Variants in DPYD observed in about 807,000 individuals in gnomAD.
DPYD encodes dihydropyrimidine dehydrogenase [NADP(+)].
In DPYD, 109 loss-of-function variants were observed where a neutral mutation model predicts 116.2. The observed-to-expected ratio is 0.94, with a 90% confidence interval of 0.80 to 1.10. DPYD has a LOEUF of 1.10. Among genes scored for constraint, DPYD ranks in the 50% least tolerant of loss-of-function variants. The probability of loss-of-function intolerance (pLI) is 0.00; values close to 1 mark genes in which losing one functional copy is unlikely to be tolerated. For synonymous variants in DPYD, 440 were observed against 432.0 expected, an observed-to-expected ratio of 1.02 and a Z score of -0.23; for missense variants, 1,302 against 1,254.5, an observed-to-expected ratio of 1.04 and a Z score of -0.57.
rs1183689659 is a variant in DPYD, at chr1:97,349,827, A to G, written c.2058+23734T>C. 7.9e-5 allele frequency among the ~76,000 whole-genome samples: 12 copies of G among 152,138 alleles called. No individual in the cohort carries two copies. The East Asian group carries it at 1.4e-3, about 17-fold the overall frequency. ...AATATACGTGTGCATGTGTCTTTAT[A>G]GCAGCATGATTTATAATCCTTTGGG... is the stretch of plus-strand genomic sequence containing the variant. On this transcript the variant is annotated intron_variant, in intron 16 of 22. Coordinates refer to ENST00000370192, the MANE Select transcript of DPYD (RefSeq NM_000110.4).
intron 20 of DPYD, among the ~76,000 whole-genome samples, chr1:97,110,338 T>A (rs954531669): frequency 6.6e-5 from 10 of 152,140 alleles, no homozygotes; most frequent in African/African-American, 2.4e-4. Context: ...ACATAAACAA[T>A]CCCACTCACC....
intron 19 of DPYD, among the ~76,000 whole-genome samples, chr1:97,229,285 T>A (rs1330295961): frequency 7.0e-6 from 1 of 143,390 alleles, no homozygotes; most frequent in Non-Finnish European, 1.5e-5. Flanking sequence ...AAATACTGAC[T>A]AGTACCCAAG....
intron 14 of DPYD, among the ~76,000 whole-genome samples, chr1:97,444,320 T>C (rs1288800352): frequency 2.0e-5 from 3 of 152,180 alleles, no homozygotes; most frequent in African/African-American, 7.2e-5. Context: ...GCCTAGTGCT[T>C]TCACTCACTA....
At chr1:97,677,661 A>G (rs980230871) in intron 8 of DPYD, among the ~76,000 whole-genome samples, 1 of 152,160 alleles carries the variant, frequency 6.6e-6, no homozygotes, top group Non-Finnish European at 1.5e-5. Flanking sequence ...ACAGACAGAT[A>G]CTAATGACAA....
At chr1:97,613,028 A>T (rs951102405) in intron 8 of DPYD, among the ~76,000 whole-genome samples, 1 of 152,028 alleles carries the variant, frequency 6.6e-6, no homozygotes, top group African/African-American at 2.4e-5. Context: ...CTAAAATGCT[A>T]AATAGTAGCA....
intron 7 of DPYD, among the ~76,000 whole-genome samples, chr1:97,684,589 A>G (rs1171448640): frequency 6.6e-6 from 1 of 151,848 alleles, no homozygotes; most frequent in Non-Finnish European, 1.5e-5. Flanking sequence ...ATATATACAC[A>G]CACACCAATA....
At chr1:97,421,012 C>G (rs1038747437) in intron 14 of DPYD, among the ~76,000 whole-genome samples, 2 of 152,080 alleles carry the variant, frequency 1.3e-5, no homozygotes, top group Non-Finnish European at 2.9e-5. Context: ...GGGGTTTGTT[C>G]CTTGTTCACT....
chr1:97,432,394 T>C (rs1675232180), intron 14 of DPYD, among the ~76,000 whole-genome samples: 1 of 152,164 alleles, frequency 6.6e-6, no homozygotes, highest in African/African-American at 2.4e-5. Flanking sequence ...AATTCTTCAT[T>C]TCTCATAATG....
intron 5 of DPYD, among the ~76,000 whole-genome samples, chr1:97,704,862 A>T (rs1338705360): frequency 6.6e-6 from 1 of 152,052 alleles, no homozygotes; most frequent in Admixed American, 6.6e-5. Context: ...AATGAAATAA[A>T]CTTGTTAATA....
At chr1:97,492,696 A>C (rs1679038185) in intron 13 of DPYD, among the ~76,000 whole-genome samples, 1 of 152,172 alleles carries the variant, frequency 6.6e-6, no homozygotes. Flanking sequence ...AGCAGCAATG[A>C]TCTGCTACTT....
At chr1:97,510,400 G>A (rs1432359686) in intron 13 of DPYD, among the ~76,000 whole-genome samples, 1 of 151,888 alleles carries the variant, frequency 6.6e-6, no homozygotes, top group East Asian at 1.9e-4. Context: ...TTTGTGTTGG[G>A]TATATGGAAG....
At chr1:97,664,715 T>C (rs866399218) in intron 8 of DPYD, among the ~76,000 whole-genome samples, 21 of 152,210 alleles carry the variant, frequency 1.4e-4, no homozygotes, top group Admixed American at 5.9e-4. Flanking sequence ...TGCTTTCTGA[T>C]CCTACAGAAA....
chr1:97,625,573 T>A (rs1271937537), intron 8 of DPYD, among the ~76,000 whole-genome samples: 1 of 152,044 alleles, frequency 6.6e-6, no homozygotes, highest in Non-Finnish European at 1.5e-5. Flanking sequence ...ATTAAAATTA[T>A]GGTCATTAGT....
At chr1:97,130,883 CTTCT>C (rs1425771026) in intron 20 of DPYD, among the ~76,000 whole-genome samples, 2 of 139,462 alleles carry the variant, frequency 1.4e-5, no homozygotes, top group African/African-American at 5.4e-5. Flanking sequence ...TCCTTCCTTC[CTTCT>C]TTCCTCCCTC....
chr1:97,591,792 G>A (rs553425046), intron 10 of DPYD, among the ~76,000 whole-genome samples: 37 of 152,002 alleles, frequency 2.4e-4, no homozygotes, highest in African/African-American at 7.5e-4. Context: ...CTATGTGCCA[G>A]GTCCTGTGCT....
chr1:97,082,049 T>C (rs1425708075), intron 22 of DPYD, among the ~76,000 whole-genome samples: 2 of 152,120 alleles, frequency 1.3e-5, no homozygotes, highest in African/African-American at 2.4e-5. Context: ...TGTGTGCATT[T>C]CTCTTTTCAG....
intron 16 of DPYD, among the ~76,000 whole-genome samples, chr1:97,335,267 G>A (rs1272217528): frequency 1.4e-5 from 2 of 147,674 alleles, no homozygotes; most frequent in African/African-American, 2.5e-5. Context: ...TCTTCACGCT[G>A]GCTATGCATC....
At chr1:97,237,431 C>T (rs1169058358) in intron 18 of DPYD, among the ~76,000 whole-genome samples, 1 of 152,060 alleles carries the variant, frequency 6.6e-6, no homozygotes, top group Non-Finnish European at 1.5e-5. Context: ...TATAGCATTC[C>T]TTAGTTAGGA....
chr1:97,917,579 T>C (rs1385127199), intron 1 of DPYD, among the ~76,000 whole-genome samples: 3 of 152,236 alleles, frequency 2.0e-5, no homozygotes, highest in Non-Finnish European at 4.4e-5. Flanking sequence ...TTTGATTTTG[T>C]GGACAATGGA....
Sources: gnomAD v4.1 joint callset for allele counts (sites outside exome capture counted in the v4.1 genomes callset) on GRCh38, gnomAD v4.1.1 for gene constraint, MANE v1.5 for transcripts, NCBI Gene and HGNC (gene_info 2026-07-23, HGNC 2026-07-21) for gene names.